PDE7B: variants seen among roughly 807,000 people sequenced by gnomAD.
PDE7B encodes the protein phosphodiesterase 7B.
Under a neutral mutation model 56.2 loss-of-function variants are expected in PDE7B, and 29 were observed. The ratio of observed to expected loss-of-function variants is 0.52; its 90% CI spans 0.38 to 0.70. PDE7B has a LOEUF of 0.70. PDE7B is among the 30% of genes least tolerant of loss of function. PDE7B has a pLI of 0.00. For synonymous variants in PDE7B, 197 were observed against 196.9 expected (o/e 1.00, Z 0.00); for missense variants, 490 against 565.0 (o/e 0.87, Z 1.35).
chr6:136,082,735 A>T (rs1362438217), intron 2 of PDE7B, among the ~76,000 whole-genome samples: 1 of 152,240 alleles, frequency 6.6e-6, no homozygotes. Context: ...TCTCACATAC[A>T]GGAAAATCAT....
intron 2 of PDE7B, among the ~76,000 whole-genome samples, chr6:136,049,701 A>G (rs1776591354): frequency 6.6e-6 from 1 of 152,198 alleles, no homozygotes; most frequent in Admixed American, 6.5e-5. Context: ...ACATAGGTAC[A>G]AGGCAAAGAA....
At chr6:135,861,544 C>G (rs373275842) in intron 1 of PDE7B, among the ~76,000 whole-genome samples, 1 of 149,392 alleles carries the variant, frequency 6.7e-6, no homozygotes, top group East Asian at 1.9e-4. Context: ...ATATTTGATA[C>G]CTTTGATTGT....
chr6:136,107,092 A>T (rs542221047), intron 2 of PDE7B, among the ~76,000 whole-genome samples: 1 of 152,212 alleles, frequency 6.6e-6, no homozygotes, highest in African/African-American at 2.4e-5. Context: ...CATGGCTTGC[A>T]CTTTACAACC....
At chr6:136,017,376 T>C (rs1284960678) in intron 2 of PDE7B, among the ~76,000 whole-genome samples, 1 of 152,132 alleles carries the variant, frequency 6.6e-6, no homozygotes, top group East Asian at 1.9e-4. Flanking sequence ...AGTTCTAGGG[T>C]ACATGTGCAC....
rs1775998615 is a variant in PDE7B at position 136,017,617 on chromosome 6, G to T, written c.82+70093G>T. Among the ~76,000 whole-genome samples, 5 of 151,098 alleles carry T rather than the reference G, an allele frequency of 3.3e-5. No homozygotes were observed. The South Asian group carries it at 8.4e-4, about 25-fold the overall frequency. ...TTGGTTTTTGTCCTTGCAATAGTTT[G>T]CTGAGAATGATGGCAAACCTGAAAA... On this transcript the variant is annotated intron_variant, in intron 2 of 12. Coordinates refer to ENST00000308191, the MANE Select transcript of PDE7B (RefSeq NM_018945.4).
intron 2 of PDE7B, among the ~76,000 whole-genome samples, chr6:136,014,277 A>G (rs1775939467): frequency 6.6e-6 from 1 of 152,238 alleles, no homozygotes; most frequent in African/African-American, 2.4e-5. Context: ...ATCTTTGTCA[A>G]TATTAACTTG....
chr6:136,126,263 C>G (rs570654512), intron 3 of PDE7B, among the ~76,000 whole-genome samples: 1 of 152,294 alleles, frequency 6.6e-6, no homozygotes, highest in Non-Finnish European at 1.5e-5. Flanking sequence ...ATGTCCACCA[C>G]TCCCTCCTCT....
At chr6:135,958,600 T>C (rs1259063175) in intron 2 of PDE7B, among the ~76,000 whole-genome samples, 12 of 152,140 alleles carry the variant, frequency 7.9e-5, no homozygotes, top group Admixed American at 7.9e-4. Context: ...ATATAGAAAT[T>C]TTCAGAATGA....
intron 2 of PDE7B, among the ~76,000 whole-genome samples, chr6:136,015,478 T>C (rs764113693): frequency 6.6e-6 from 1 of 152,212 alleles, no homozygotes; most frequent in Non-Finnish European, 1.5e-5. Context: ...AATTTGCACT[T>C]TCCTTTGAAA....
intron 2 of PDE7B, among the ~76,000 whole-genome samples, chr6:136,002,751 G>C (rs1386158711): frequency 6.6e-6 from 1 of 152,026 alleles, no homozygotes; most frequent in East Asian, 1.9e-4. Flanking sequence ...AATTAATAAT[G>C]GGAGACTTTA....
intron 2 of PDE7B, among the ~76,000 whole-genome samples, chr6:135,952,385 G>A (rs1418262537): frequency 1.3e-5 from 2 of 152,092 alleles, no homozygotes; most frequent in Non-Finnish European, 2.9e-5. Flanking sequence ...TGCCTCCAGG[G>A]TAGAACGAGA....
intron 2 of PDE7B, among the ~76,000 whole-genome samples, chr6:135,957,962 T>C (rs1275187514): frequency 6.6e-6 from 1 of 152,094 alleles, no homozygotes; most frequent in East Asian, 1.9e-4. Flanking sequence ...GCCAGAACAG[T>C]GGTTCACGCC....
intron 2 of PDE7B, chr6:136,037,956 A>G: frequency 8.2e-7 from 1 of 1,214,010 alleles, no homozygotes; most frequent in South Asian, 1.5e-5. Flanking sequence ...ACTCAGTGCC[A>G]GAGAGAGGAG....
At chr6:135,944,544 G>A (rs1774559815) in intron 1 of PDE7B, among the ~76,000 whole-genome samples, 1 of 152,154 alleles carries the variant, frequency 6.6e-6, no homozygotes, top group African/African-American at 2.4e-5. Context: ...CCTCCAGGGA[G>A]GTGAAGACAA....
chr6:135,924,492 T>G (rs1414617749), intron 1 of PDE7B, among the ~76,000 whole-genome samples: 1 of 152,122 alleles, frequency 6.6e-6, no homozygotes, highest in East Asian at 1.9e-4. Flanking sequence ...AGTCATACCA[T>G]CTACTTGGTG....
intron 1 of PDE7B, among the ~76,000 whole-genome samples, chr6:135,922,892 G>A (rs1477327591): frequency 1.3e-5 from 2 of 152,108 alleles, no homozygotes; most frequent in East Asian, 3.9e-4. Context: ...ATCAAATTAA[G>A]ATGCAGTATG....
intron 2 of PDE7B, among the ~76,000 whole-genome samples, chr6:135,954,742 G>A (rs1418670258): frequency 6.6e-6 from 1 of 152,144 alleles, no homozygotes; most frequent in Non-Finnish European, 1.5e-5. Flanking sequence ...TTTTCACCTT[G>A]AGGGTTATGG....
intron 2 of PDE7B, among the ~76,000 whole-genome samples, chr6:136,002,522 G>T (rs1451958184): frequency 6.6e-6 from 1 of 151,660 alleles, no homozygotes; most frequent in Non-Finnish European, 1.5e-5. Flanking sequence ...CAAGCAAATG[G>T]AAAACAAAAA....
intron 1 of PDE7B, among the ~76,000 whole-genome samples, chr6:135,900,029 T>C (rs1438037183): frequency 6.6e-6 from 1 of 152,174 alleles, no homozygotes; most frequent in East Asian, 1.9e-4. Flanking sequence ...CTCAAGAAAT[T>C]AATGTTGTAA....
Sources: gnomAD v4.1 joint callset for allele counts (sites outside exome capture counted in the v4.1 genomes callset) on GRCh38, gnomAD v4.1.1 for gene constraint, MANE v1.5 for transcripts, NCBI Gene and HGNC (gene_info 2026-07-23, HGNC 2026-07-21) for gene names.